The following TBC1D5 variants were observed in gnomAD, a reference collection of about 807,000 sequenced individuals.
TBC1D5 encodes the protein TBC1 domain family member 5, also known as TBC1 domain family, member 5.
Under a neutral mutation model 100.3 loss-of-function variants are expected in TBC1D5, and 75 were observed. The observed-to-expected ratio is 0.75, with a 90% CI of 0.62 to 0.91. The LOEUF (loss-of-function observed/expected upper bound fraction) is 0.91, where lower values mean the gene tolerates loss of function less well. Among genes scored for constraint, TBC1D5 ranks in the 40% least tolerant of loss-of-function variants. The probability of loss-of-function intolerance (pLI) is 0.00; values close to 1 mark genes in which losing one functional copy is unlikely to be tolerated. For missense variants in TBC1D5, 910 were observed against 942.4 expected, an observed-to-expected ratio of 0.97 and a Z score of 0.45; for synonymous variants, 323 against 325.6, an observed-to-expected ratio of 0.99 and a Z score of 0.09.
intron 17 of TBC1D5, among the ~76,000 whole-genome samples, chr3:17,231,539 T>C (rs952502805): frequency 7.2e-5 from 11 of 152,076 alleles, no homozygotes; most frequent in African/African-American, 2.7e-4. Context: ...AAAGTATTGA[T>C]ACTTACTTTA....
intron 3 of TBC1D5, among the ~76,000 whole-genome samples, chr3:17,500,808 T>A (rs1303143723): frequency 6.7e-6 from 1 of 149,510 alleles, no homozygotes; most frequent in Admixed American, 6.6e-5. Context: ...CTCCTTCCTC[T>A]TTCCTTTGAT....
At chr3:17,733,184 C>A (rs1162606442) in intron 1 of TBC1D5, among the ~76,000 whole-genome samples, 1 of 152,138 alleles carries the variant, frequency 6.6e-6, no homozygotes, top group African/African-American at 2.4e-5. Context: ...AGGTGCTTCC[C>A]CATTCCTACC....
At chr3:17,281,662 G>C (rs2080614016) in intron 15 of TBC1D5, among the ~76,000 whole-genome samples, 3 of 152,126 alleles carry the variant, frequency 2.0e-5, no homozygotes, top group African/African-American at 7.2e-5. Context: ...AAAATGTTTT[G>C]CTTTTTTGGA....
chr3:17,573,971 T>C (rs2096642537), intron 2 of TBC1D5, among the ~76,000 whole-genome samples: 1 of 152,074 alleles, frequency 6.6e-6, no homozygotes, highest in Non-Finnish European at 1.5e-5. Context: ...ACGTAAAAAG[T>C]ACTTCATGGA....
intron 1 of TBC1D5, among the ~76,000 whole-genome samples, chr3:17,724,586 A>C (rs1245177601): frequency 6.6e-6 from 1 of 152,180 alleles, no homozygotes; most frequent in Non-Finnish European, 1.5e-5. Context: ...ATGTCTCTAG[A>C]AGCATATTTT....
chr3:17,306,628 G>A (rs1316880713), intron 14 of TBC1D5, among the ~76,000 whole-genome samples: 1 of 151,938 alleles, frequency 6.6e-6, no homozygotes, highest in African/African-American at 2.4e-5. Context: ...AATATATAGT[G>A]GTAATGTGCC....
intron 2 of TBC1D5, among the ~76,000 whole-genome samples, chr3:17,584,311 T>C (rs536386805): frequency 2.0e-5 from 3 of 152,338 alleles, no homozygotes; most frequent in Admixed American, 6.5e-5. Context: ...GCCACGGAAC[T>C]GTTCACTTCA....
At chr3:17,292,726 C>T (rs1207753252) in intron 14 of TBC1D5, among the ~76,000 whole-genome samples, 1 of 152,150 alleles carries the variant, frequency 6.6e-6, no homozygotes, top group Non-Finnish European at 1.5e-5. Flanking sequence ...TTATCTGCCA[C>T]TGCTGTCAGA....
At chr3:17,479,302 CTG>C (rs748408699) in intron 3 of TBC1D5, among the ~76,000 whole-genome samples, 7 of 152,132 alleles carry the variant, frequency 4.6e-5, no homozygotes, top group Non-Finnish European at 8.8e-5. Context: ...ACTCCAGAGA[CTG>C]AGAAAAGAAG....
intron 14 of TBC1D5, among the ~76,000 whole-genome samples, chr3:17,299,436 T>A (rs2082596112): frequency 6.6e-6 from 1 of 152,236 alleles, no homozygotes; most frequent in South Asian, 2.1e-4. Context: ...GACTGCTGTA[T>A]GTATGATACT....
intron 13 of TBC1D5, among the ~76,000 whole-genome samples, chr3:17,330,300 G>C (rs2086712151): frequency 6.6e-6 from 1 of 152,076 alleles, no homozygotes; most frequent in Non-Finnish European, 1.5e-5. Flanking sequence ...GAGGCTAACT[G>C]TCCTTGGCAC....
intron 3 of TBC1D5, among the ~76,000 whole-genome samples, chr3:17,499,219 T>A (rs1377168061): frequency 6.6e-6 from 1 of 152,104 alleles, no homozygotes; most frequent in Admixed American, 6.6e-5. Context: ...ATGAAAGGAG[T>A]TAACAGAAGC....
intron 8 of TBC1D5, among the ~76,000 whole-genome samples, chr3:17,388,416 T>A (rs568396216): frequency 6.6e-6 from 1 of 152,208 alleles, no homozygotes; most frequent in African/African-American, 2.4e-5. Flanking sequence ...AATCTACCCA[T>A]CAGCTAGCTT....
At chr3:17,518,327 G>C (rs1184750414) in intron 2 of TBC1D5, among the ~76,000 whole-genome samples, 3 of 152,084 alleles carry the variant, frequency 2.0e-5, no homozygotes, top group African/African-American at 7.2e-5. Context: ...CTATAATATA[G>C]GACACCCAGG....
intron 17 of TBC1D5, among the ~76,000 whole-genome samples, chr3:17,218,934 C>T (rs1464304850): frequency 6.6e-6 from 1 of 151,734 alleles, no homozygotes; most frequent in Non-Finnish European, 1.5e-5. Context: ...GAGGTATGTA[C>T]TAATGCTTTT....
chr3:17,685,085 A>C (rs151332183), intron 1 of TBC1D5, among the ~76,000 whole-genome samples: 182 of 152,188 alleles, frequency 1.2e-3, no homozygotes, highest in African/African-American at 4.2e-3. Context: ...TATATCATTA[A>C]TTTGTAAGTG....
chr3:17,597,001 A>C (rs1437420529), intron 2 of TBC1D5, among the ~76,000 whole-genome samples: 1 of 152,168 alleles, frequency 6.6e-6, no homozygotes, highest in Non-Finnish European at 1.5e-5. Flanking sequence ...TAAATTATAA[A>C]ACTCTAAACT....
At chr3:17,326,071 G>A (rs564971967) in intron 13 of TBC1D5, among the ~76,000 whole-genome samples, 2 of 152,240 alleles carry the variant, frequency 1.3e-5, no homozygotes, top group South Asian at 2.1e-4. Flanking sequence ...TAAGAACGTA[G>A]TATGTAAGGA....
chr3:17,372,364 T>C (rs2092510144), intron 12 of TBC1D5, 117 bp from the exon 13 acceptor site: 2 of 926,418 alleles, frequency 2.2e-6, no homozygotes, highest in Middle Eastern at 3.6e-4. Context: ...CTACTACTCA[T>C]TCTTAAAAAA....
Sources: allele counts gnomAD v4.1 joint callset (sites outside exome capture counted in the v4.1 genomes callset), GRCh38; gene constraint gnomAD v4.1.1; transcripts MANE v1.5; gene names NCBI Gene and HGNC (gene_info 2026-07-23, HGNC 2026-07-21).